UBR1: variants seen among roughly 807,000 people sequenced by gnomAD.
The protein encoded by UBR1 is E3 ubiquitin-protein ligase UBR1.
A neutral mutation model predicts 242.1 loss-of-function variants in UBR1; 102 were observed. The observed-to-expected ratio is 0.42, with a 90% CI of 0.36 to 0.50. The LOEUF (loss-of-function observed/expected upper bound fraction) is 0.50, where lower values mean the gene tolerates loss of function less well. Among genes scored for constraint, UBR1 ranks in the 20% least tolerant of loss-of-function variants. The pLI is 0.01. For synonymous variants in UBR1, 675 were observed against 684.8 expected (o/e 0.99, Z 0.22); for missense variants, 1,772 against 2,101.8 (o/e 0.84, Z 3.07).
intron 29 of UBR1, among the ~76,000 whole-genome samples, chr15:43,008,708 C>T (rs1479403654): frequency 6.6e-6 from 1 of 152,192 alleles, no homozygotes; most frequent in South Asian, 2.1e-4. Context: ...CGGGTCTGTC[C>T]ATGAACCAGT....
intron 28 of UBR1, among the ~76,000 whole-genome samples, chr15:43,016,215 T>C (rs976610157): frequency 4.6e-5 from 7 of 152,242 alleles, no homozygotes. Context: ...ACAATCTTGA[T>C]TTCTAACAGT....
intron 14 of UBR1, among the ~76,000 whole-genome samples, chr15:43,044,334 T>C (rs2033456780): frequency 6.6e-6 from 1 of 152,000 alleles, no homozygotes; most frequent in South Asian, 2.1e-4. Flanking sequence ...AAGATGACTA[T>C]AAAGTAAAGT....
chr15:43,075,539 C>G (rs1276780545), intron 3 of UBR1, among the ~76,000 whole-genome samples: 1 of 151,952 alleles, frequency 6.6e-6, no homozygotes, highest in African/African-American at 2.4e-5. Flanking sequence ...GCTGCACCCA[C>G]TAACTCGTCA....
In UBR1 at chr15:43,029,946, T is replaced by G. The variant is rs762272441; in HGVS notation, c.2377A>C (p.Asn793His). 1.1e-4 allele frequency: 173 copies of G among 1,613,906 alleles called. No homozygotes were observed. Among genetic ancestry groups the G allele is most frequent in the Non-Finnish European group, 1.4e-4 (161 of 1,179,988 alleles). Residue 793 changes from asparagine (N) to histidine (H), a missense_variant and splice_region_variant, in exon 21 of 47, where the codon AAT becomes CAT. Transcript: ENST00000290650. ...GATAAAACCAAAATCAGACTTACATTCTCAGGTAAATTTTTGGCAATGGCA... is the reference window on the plus strand; with the variant it reads ...GATAAAACCAAAATCAGACTTACATGCTCAGGTAAATTTTTGGCAATGGCA... Reference protein sequence around the residue: ...HSAIAKNLPENENNETGLENV... With the variant: ...HSAIAKNLPEHENNETGLENV...
chr15:42,964,049 A>T lies in UBR1; in HGVS notation c.4592-6T>A. 1 of 1,584,650 alleles carries T rather than the reference A, an allele frequency of 6.3e-7. No individual in the cohort carries two copies. Among genetic ancestry groups the T allele is most frequent in the African/African-American group, 1.3e-5 (1 of 74,474 alleles). On this transcript the variant is annotated splice_polypyrimidine_tract_variant and splice_region_variant and intron_variant, in intron 41 of 46. Transcript: ENST00000290650. Reference sequence around the variant, plus strand: ...GTACTCTCCTTCTGCAGAATCTGCAAGAGAATAAAAATACATTTAATAAGC... The same window carrying T: ...GTACTCTCCTTCTGCAGAATCTGCATGAGAATAAAAATACATTTAATAAGC...
chr15:42,987,698 C>T lies in UBR1; in HGVS notation c.3997+1121G>A, dbSNP rs181021824. Among the ~76,000 whole-genome samples the T allele has an allele frequency of 2.2e-3, 239 of 108,390 alleles. 1 individual carries two copies. The highest frequency in any genetic ancestry group is 9.8e-3 in the Middle Eastern group (1 of 102). The allele number at this position is 108,390 out of a possible 152,430, so 71.1% of individuals were successfully genotyped here. A position where few individuals can be genotyped will look rare whatever the true frequency, so the allele number is the denominator to read the frequency against. On this transcript the variant is annotated intron_variant, in intron 35 of 46. Coordinates refer to ENST00000290650, the MANE Select transcript of UBR1 (RefSeq NM_174916.3). ...ACTGCACTCCAGTCTGCCAATAGAG[C>T]GAGACTCTGTCTCAAAAAAAAAAAA...
intron 43 of UBR1, among the ~76,000 whole-genome samples, chr15:42,958,322 C>T (rs555635005): frequency 1.3e-4 from 20 of 152,300 alleles, no homozygotes; most frequent in African/African-American, 4.6e-4. Context: ...TAGGACTAAA[C>T]TGTTATAGCT....
chr15:42,973,516 A>G (rs1243470083), intron 39 of UBR1, among the ~76,000 whole-genome samples: 1 of 152,100 alleles, frequency 6.6e-6, no homozygotes, highest in East Asian at 1.9e-4. Flanking sequence ...GGTGGTCTCA[A>G]ACTCCCGGCT....
chr15:42,974,320 C>T (rs754745741), intron 39 of UBR1, among the ~76,000 whole-genome samples: 1 of 152,188 alleles, frequency 6.6e-6, no homozygotes, highest in Non-Finnish European at 1.5e-5. Flanking sequence ...TGTTCCAACA[C>T]CATTTGTTGA....
intron 5 of UBR1, 82 bp from the exon 6 acceptor site, chr15:43,068,118 A>G: frequency 2.1e-6 from 2 of 954,464 alleles, no homozygotes; most frequent in Non-Finnish European, 3.0e-6. Context: ...GACAAAATTA[A>G]TACATAACAT....
Position 43,076,486 on chromosome 15 carries a change from T to C in UBR1, c.418-1397A>G, listed in dbSNP as rs190294556. On this transcript the variant is annotated intron_variant, in intron 3 of 46. Coordinates refer to ENST00000290650, the MANE Select transcript of UBR1 (RefSeq NM_174916.3). ...GCGCCTCTTCCCCGCCGCCATCCCA[T>C]CTGGGAAGTGAGGAGCGTCTCTGCC... is the stretch of plus-strand genomic sequence containing the variant. Among the ~76,000 whole-genome samples the C allele has an allele frequency of 5.4e-3, 798 of 148,354 alleles. 9 individuals carry two copies. The highest frequency in any genetic ancestry group is 0.019 in the African/African-American group (766 of 39,814).
At position 42,952,349 on chromosome 15, in the gene UBR1, C is replaced by G. The variant is rs1263517049; in HGVS notation, c.4935G>C (p.Val1645=). 6.2e-7 allele frequency: 1 copy of G among 1,614,078 alleles called. No individual in the cohort carries two copies. The highest frequency in any genetic ancestry group is 8.5e-7 in the Non-Finnish European group (1 of 1,180,040). ...TGCAAGCTCCAACCTCTTCCCCGTT[C>G]ACAATTTCCTGGCAGCAAATGTTCT... ...CSQNICCQEI[V]NGEEVGACIF... The change falls in exon 45 of 47, where the codon GTG becomes GTC. Residue 1645 remains valine (V), a synonymous_variant. Coordinates refer to ENST00000290650, the MANE Select transcript of UBR1 (RefSeq NM_174916.3).
chr15:43,025,022 A>G (rs1248814788), intron 24 of UBR1, 39 bp from the exon 25 acceptor site: 1 of 1,610,476 alleles, frequency 6.2e-7, no homozygotes, highest in South Asian at 1.1e-5. Flanking sequence ...AGAGACAAAC[A>G]GGTACATTTT....
chr15:43,075,694 C>T (rs2033879800), intron 3 of UBR1, among the ~76,000 whole-genome samples: 1 of 151,678 alleles, frequency 6.6e-6, no homozygotes, highest in Admixed American at 6.6e-5. Flanking sequence ...TGGCTCACCG[C>T]AACCTCTGCC....
chr15:42,992,600 C>A (rs1453402652), intron 33 of UBR1, among the ~76,000 whole-genome samples: 1 of 152,188 alleles, frequency 6.6e-6, no homozygotes, highest in Non-Finnish European at 1.5e-5. Flanking sequence ...CTTCTCAAAA[C>A]TTTGGCTATG....
intron 30 of UBR1, among the ~76,000 whole-genome samples, chr15:43,005,436 C>G (rs1479055893): frequency 4.0e-5 from 6 of 150,676 alleles, no homozygotes; most frequent in Admixed American, 2.6e-4. Flanking sequence ...GGGCAGCCCC[C>G]GCCCGGCCAG....
At chr15:42,966,370 A>C in intron 40 of UBR1, 84 bp from the exon 41 acceptor site, 1 of 1,530,066 alleles carries the variant, frequency 6.5e-7, no homozygotes, top group Non-Finnish European at 9.0e-7. Context: ...TTTCAAATAC[A>C]AAGTTAAACA....
intron 40 of UBR1, among the ~76,000 whole-genome samples, chr15:42,970,129 C>G (rs985020735): frequency 1.3e-5 from 2 of 152,142 alleles, no homozygotes; most frequent in East Asian, 1.9e-4. Flanking sequence ...CAGCATGGTA[C>G]TGGTACCAAA....
At chr15:43,002,273 G>A (rs1336733787) in intron 32 of UBR1, among the ~76,000 whole-genome samples, 3 of 152,156 alleles carry the variant, frequency 2.0e-5, no homozygotes, top group African/African-American at 7.2e-5. Flanking sequence ...GAGTGCAGTG[G>A]GGCAATCTCG....
Sources: gnomAD v4.1 joint callset for allele counts (sites outside exome capture counted in the v4.1 genomes callset) on GRCh38, gnomAD v4.1.1 for gene constraint, MANE v1.5 for transcripts, NCBI Gene and HGNC (gene_info 2026-07-23, HGNC 2026-07-21) for gene names.